Variants in GPC6 observed in about 807,000 individuals in gnomAD.
GPC6 encodes the protein glypican-6.
GPC6 carries 14 observed loss-of-function variants against 55.2 expected under a neutral mutation model. The observed-to-expected ratio is 0.25, with a 90% confidence interval of 0.17 to 0.40. The LOEUF (loss-of-function observed/expected upper bound fraction) is 0.40, where lower values mean the gene tolerates loss of function less well. Among genes scored for constraint, GPC6 ranks in the 10% least tolerant of loss-of-function variants. GPC6 has a pLI of 1.00. For synonymous variants in GPC6, 278 were observed against 259.6 expected, an observed-to-expected ratio of 1.07 and a Z score of -0.68; for missense variants, 641 against 708.5, an observed-to-expected ratio of 0.90 and a Z score of 1.08.
In GPC6 at chr13:94,062,700, A is replaced by G. The variant is rs190722938; in HGVS notation, c.877+34806A>G. Among the ~76,000 whole-genome samples, 270 of 152,326 alleles carry G rather than the reference A, an allele frequency of 1.8e-3. 1 individual carries two copies. The highest frequency in any genetic ancestry group is 5.5e-3 in the African/African-American group (229 of 41,580). Reference sequence around the variant, plus strand: ...ATGGAAGACACACATTCTTCAACACATATATTGACTAATGAAACTGTAAAT... The same window carrying G: ...ATGGAAGACACACATTCTTCAACACGTATATTGACTAATGAAACTGTAAAT... On this transcript the variant is annotated intron_variant, in intron 4 of 8. Coordinates refer to ENST00000377047, the MANE Select transcript of GPC6 (RefSeq NM_005708.5).
intron 1 of GPC6, among the ~76,000 whole-genome samples, chr13:93,467,748 CTTAT>C (rs1341192321): frequency 6.6e-6 from 1 of 151,724 alleles, no homozygotes; most frequent in Non-Finnish European, 1.5e-5. Context: ...CCATGACCAG[CTTAT>C]TTTTTATTTT....
chr13:93,971,365 A>C (rs1007895857), intron 3 of GPC6, among the ~76,000 whole-genome samples: 1 of 152,216 alleles, frequency 6.6e-6, no homozygotes, highest in African/African-American at 2.4e-5. Flanking sequence ...TTCTTTTACC[A>C]ATCCAAAATA....
chr13:93,582,725 T>C (rs1435439472), intron 2 of GPC6, among the ~76,000 whole-genome samples: 1 of 152,186 alleles, frequency 6.6e-6, no homozygotes, highest in East Asian at 1.9e-4. Context: ...CTCTGTTAGA[T>C]TGGAGTAGCT....
intron 4 of GPC6, among the ~76,000 whole-genome samples, chr13:94,086,317 TCACCTTCC>T (rs1885280299): frequency 6.6e-6 from 1 of 152,140 alleles, no homozygotes; most frequent in Non-Finnish European, 1.5e-5. Flanking sequence ...TGAAATGGGT[TCACCTTCC>T]CCGGAAACAG....
At chr13:93,726,117 CACA>C (rs1883628953) in intron 2 of GPC6, among the ~76,000 whole-genome samples, 1 of 138,788 alleles carries the variant, frequency 7.2e-6, no homozygotes, top group African/African-American at 2.5e-5. Context: ...CACACACACA[CACA>C]CACACACACA....
intron 5 of GPC6, among the ~76,000 whole-genome samples, chr13:94,290,430 A>T (rs1238294141): frequency 4.4e-5 from 2 of 45,336 alleles, no homozygotes; most frequent in African/African-American, 1.8e-4. Flanking sequence ...CTAGAAAGGT[A>T]AAAAAAAAAA....
chr13:93,386,710 G>T (rs772864802), intron 1 of GPC6, among the ~76,000 whole-genome samples: 2 of 152,088 alleles, frequency 1.3e-5, no homozygotes, highest in Non-Finnish European at 2.9e-5. Context: ...CACACTAGGT[G>T]GTGTCTTAAG....
At chr13:94,165,130 A>ATG (rs1888311722) in intron 4 of GPC6, among the ~76,000 whole-genome samples, 1 of 151,772 alleles carries the variant, frequency 6.6e-6, no homozygotes, top group Non-Finnish European at 1.5e-5. Context: ...ACAATTGCAA[A>ATG]AATATGGAAC....
intron 3 of GPC6, among the ~76,000 whole-genome samples, chr13:93,855,012 G>A (rs1379282370): frequency 2.6e-5 from 4 of 151,526 alleles, no homozygotes; most frequent in African/African-American, 9.7e-5. Flanking sequence ...TGTTATGACT[G>A]ATGAACCTCA....
intron 1 of GPC6, among the ~76,000 whole-genome samples, chr13:93,240,926 TG>T (rs1594047521): frequency 6.6e-6 from 1 of 152,152 alleles, no homozygotes; most frequent in Non-Finnish European, 1.5e-5. Context: ...ACAAAATTCT[TG>T]GTGACCATTA....
chr13:94,122,184 A>G lies in GPC6; in HGVS notation c.877+94290A>G, dbSNP rs115884580. 5.7e-3 allele frequency among the ~76,000 whole-genome samples: 865 copies of G among 152,024 alleles called. 11 individuals carry two copies. The highest frequency in any genetic ancestry group is 0.02 in the African/African-American group (831 of 41,510). On this transcript the variant is annotated intron_variant, in intron 4 of 8. Transcript: ENST00000377047. ...AAGAGGTATAAAAATGAAAGCCACA[A>G]TTTTTTTTAAAATATAGAGAATACA...
intron 6 of GPC6, among the ~76,000 whole-genome samples, chr13:94,311,256 C>T (rs528085456): frequency 6.6e-6 from 1 of 151,814 alleles, no homozygotes; most frequent in Admixed American, 6.6e-5. Context: ...ACTTCTTCCA[C>T]CTCCCAGGTT....
At chr13:93,832,758 G>A (rs962765939) in intron 3 of GPC6, among the ~76,000 whole-genome samples, 9 of 152,214 alleles carry the variant, frequency 5.9e-5, no homozygotes, top group African/African-American at 1.9e-4. Context: ...TCCTTCTGGC[G>A]AAGGATGACC....
intron 2 of GPC6, among the ~76,000 whole-genome samples, chr13:93,764,179 C>T (rs901322172): frequency 6.6e-6 from 1 of 151,990 alleles, no homozygotes. Context: ...ATATGTTAGA[C>T]CCTTTGCTAT....
At chr13:94,109,909 A>G (rs1886181057) in intron 4 of GPC6, among the ~76,000 whole-genome samples, 1 of 152,094 alleles carries the variant, frequency 6.6e-6, no homozygotes, top group Admixed American at 6.6e-5. Context: ...CTCCATCAAC[A>G]GACCTTAGTG....
At chr13:93,764,796 T>A (rs1402421613) in intron 2 of GPC6, among the ~76,000 whole-genome samples, 1 of 151,960 alleles carries the variant, frequency 6.6e-6, no homozygotes, top group Non-Finnish European at 1.5e-5. Flanking sequence ...AATACAATGT[T>A]TTTATTTATT....
At chr13:94,193,153 C>T (rs1337553134) in intron 4 of GPC6, among the ~76,000 whole-genome samples, 1 of 151,608 alleles carries the variant, frequency 6.6e-6, no homozygotes, top group African/African-American at 2.4e-5. Context: ...ATTCAGTCTT[C>T]TTTGCCACAA....
intron 1 of GPC6, among the ~76,000 whole-genome samples, chr13:93,378,858 G>A (rs1875034983): frequency 6.6e-6 from 1 of 151,826 alleles, no homozygotes; most frequent in African/African-American, 2.4e-5. Context: ...TACCAGGTGT[G>A]GTGGTGGGTG....
At chr13:93,620,811 C>T (rs4620832) in intron 2 of GPC6, among the ~76,000 whole-genome samples, 42,970 of 151,956 alleles carry the variant, frequency 0.28, 7,086 homozygotes, top group Non-Finnish European at 0.37. Flanking sequence ...TTGAAATTAA[C>T]CAGTCTCCCC....
Sources: gnomAD v4.1 joint callset for allele counts (sites outside exome capture counted in the v4.1 genomes callset) on GRCh38, gnomAD v4.1.1 for gene constraint, MANE v1.5 for transcripts, NCBI Gene and HGNC (gene_info 2026-07-23, HGNC 2026-07-21) for gene names.